The following CLEC5A variants were observed in gnomAD, a reference collection of about 807,000 sequenced individuals.
CLEC5A encodes the protein C-type lectin domain family 5 member A.
Under a neutral mutation model 24.4 loss-of-function variants are expected in CLEC5A, and 15 were observed. That is an observed-to-expected ratio of 0.62 (90% CI 0.41 to 0.95). The LOEUF (loss-of-function observed/expected upper bound fraction) is 0.95, where lower values mean the gene tolerates loss of function less well. CLEC5A is among the 40% of genes least tolerant of loss of function. The pLI, the probability that CLEC5A is intolerant of heterozygous loss-of-function variation, is 0.00. For missense variants in CLEC5A, 211 were observed against 224.0 expected, an observed-to-expected ratio of 0.94 and a Z score of 0.37; for synonymous variants, 71 against 72.6, an observed-to-expected ratio of 0.98 and a Z score of 0.11.
intron 4 of CLEC5A, 110 bp downstream of exon 4, chr7:141,943,786 C>T (rs1802868647): frequency 1.3e-6 from 1 of 770,110 alleles, no homozygotes; most frequent in Admixed American, 1.9e-5. Context: ...TCGTTATGGT[C>T]CCTTTGAGCA....
chr7:141,932,222 GT>G (rs1368699290), intron 5 of CLEC5A, among the ~76,000 whole-genome samples: 1 of 152,206 alleles, frequency 6.6e-6, no homozygotes, highest in Non-Finnish European at 1.5e-5. Context: ...CCATAGGATT[GT>G]TTTTGTTGCC....
chr7:141,932,002 G>T (rs1260847723), intron 5 of CLEC5A, among the ~76,000 whole-genome samples, 176 bp from the exon 6 acceptor site: 35 of 152,166 alleles, frequency 2.3e-4, no homozygotes, highest in African/African-American at 8.0e-4. Context: ...GATTCAGAGG[G>T]AATTTGGAAA....
rs757248641 is a variant in CLEC5A, at chr7:141,939,837, AAAGG to A, written c.209-3891_209-3888del. Among the ~76,000 whole-genome samples the A allele has an allele frequency of 9.1e-3, 1,384 of 152,268 alleles. 7 individuals are homozygous for A. Among genetic ancestry groups the A allele is most frequent in the Middle Eastern group, 0.027 (8 of 294 alleles). On this transcript the variant is annotated intron_variant, in intron 4 of 6. Coordinates refer to ENST00000546910, the MANE Select transcript of CLEC5A (RefSeq NM_013252.3). ...TGAGACAAAAACTGTAAGAAGACAC[AAAGG>A]AGGTCACTGTATAATGATAAAGGGG... is the stretch of plus-strand genomic sequence containing the variant.
Position 141,945,321 on chromosome 7 carries a change from T to C in CLEC5A, c.139+20A>G, listed in dbSNP as rs1554442027. The stretch of plus-strand genomic sequence containing the variant: ...AAGTAGCAGGAGGATGGGGAGAAGA[T>C]TTACCACCATGCAGATTACCTGTTC... On this transcript the variant is annotated intron_variant, in intron 3 of 6. Coordinates refer to ENST00000546910, the MANE Select transcript of CLEC5A (RefSeq NM_013252.3). The C allele has an allele frequency of 1.3e-6, 2 of 1,574,296 alleles. No individual in the cohort carries two copies. Among genetic ancestry groups the C allele is most frequent in the East Asian group, 2.2e-5 (1 of 44,698 alleles).
At chr7:141,931,486 T>A in intron 6 of CLEC5A, 1 of 514,934 alleles carries the variant, frequency 1.9e-6, no homozygotes, top group South Asian at 3.2e-5. Context: ...TTGATATGAA[T>A]AAAATAATTT....
intron 6 of CLEC5A, among the ~76,000 whole-genome samples, chr7:141,930,673 G>T (rs1248642294): frequency 2.0e-5 from 3 of 152,166 alleles, no homozygotes; most frequent in Non-Finnish European, 2.9e-5. Flanking sequence ...GGAGGTATTT[G>T]TTGGCTCTCC....
Position 141,935,313 on chromosome 7 carries a change from T to C in CLEC5A, c.345+501A>G, listed in dbSNP as rs112863981. 4.3e-3 allele frequency among the ~76,000 whole-genome samples: 660 copies of C among 152,318 alleles called. 5 individuals are homozygous for C. Among genetic ancestry groups the C allele is most frequent in the African/African-American group, 0.015 (635 of 41,576 alleles). On this transcript the variant is annotated intron_variant, in intron 5 of 6. Coordinates refer to ENST00000546910, the MANE Select transcript of CLEC5A (RefSeq NM_013252.3). ...GTTGCCATTTATAAAATGTGGATAA[T>C]AATACATCCTCATTATTATTATCAT... is the stretch of plus-strand genomic sequence containing the variant.
In CLEC5A at chr7:141,935,674, C is replaced by T. The variant is rs1169218787; in HGVS notation, c.345+140G>A. The T allele has an allele frequency of 4.2e-5, 31 of 732,188 alleles. No individual in the cohort carries two copies. The African/African-American group carries it at 5.4e-4, about 13-fold the overall frequency. 45.4% of individuals were successfully genotyped at this position (732,188 alleles called of 1,614,324 possible). On this transcript the variant is annotated intron_variant, in intron 5 of 6. Coordinates refer to ENST00000546910, the MANE Select transcript of CLEC5A (RefSeq NM_013252.3). ...GAATCTCCTAACCTCCAGTCCAGAACAAATAGCTTCAGTTTTTCAGCCAGC... is the reference window on the plus strand; with the variant it reads ...GAATCTCCTAACCTCCAGTCCAGAATAAATAGCTTCAGTTTTTCAGCCAGC...
At chr7:141,945,456 G>A (rs1802925259) in intron 2 of CLEC5A, 56 bp from the exon 3 acceptor site, 4 of 1,223,622 alleles carry the variant, frequency 3.3e-6, no homozygotes, top group Non-Finnish European at 4.9e-6. Flanking sequence ...TGATGAATAT[G>A]ACAAACAAGT....
intron 5 of CLEC5A, among the ~76,000 whole-genome samples, chr7:141,932,207 T>C (rs181864692): frequency 3.3e-5 from 5 of 152,332 alleles, no homozygotes; most frequent in Admixed American, 2.0e-4. Context: ...ATGTCATGCT[T>C]CTATCCATAG....
intron 5 of CLEC5A, 59 bp from the exon 6 acceptor site, chr7:141,931,885 A>G (rs1393526476): frequency 1.3e-6 from 1 of 750,200 alleles, no homozygotes; most frequent in Non-Finnish European, 2.3e-6. Context: ...TCTTGAGCCA[A>G]TGTGCCCATG....
Position 141,943,896 on chromosome 7 carries a change from C to T in CLEC5A, c.208G>A (p.Val70Ile), listed in dbSNP as rs782281987. Residue 70 changes from valine (V) to isoleucine (I), a missense_variant and splice_region_variant, in exon 4 of 7, where the codon GTC becomes ATC. Physicochemically the swap from Val to Ile is conservative, Grantham distance 29. Coordinates refer to ENST00000546910, the MANE Select transcript of CLEC5A (RefSeq NM_013252.3). ...GFITTRSYGT[V>I]CPKDWEFYQA... Reference sequence around the variant, plus strand: ...AGTAGGTTGTAATCATGCACTTTACCTGTTCCATAGCTCCTTGTGGTAATG... The same window carrying T: ...AGTAGGTTGTAATCATGCACTTTACTTGTTCCATAGCTCCTTGTGGTAATG... The T allele has an allele frequency of 1.9e-6, 3 of 1,601,144 alleles. No individual in the cohort carries two copies. The highest frequency in any genetic ancestry group is 2.6e-6 in the Non-Finnish European group (3 of 1,168,500).
rs782451132 is a variant in CLEC5A at position 141,935,935 on chromosome 7, C to G, written c.224G>C (p.Trp75Ser). The change falls in exon 5 of 7, where the codon TGG (tryptophan) becomes TCG (serine). Residue 75 changes from tryptophan to serine, a missense_variant. Trp to Ser is a radical substitution (Grantham distance 177). Coordinates refer to ENST00000546910, the MANE Select transcript of CLEC5A (RefSeq NM_013252.3). ...RSYGTVCPKD[W>S]EFYQARCFFL... ...AAAACATCTTGCTTGATAAAATTCC[C>G]AGTCTTTGGGGCAGACTGAAGAGGT... 3.1e-6 allele frequency: 5 copies of G among 1,613,682 alleles called. No homozygotes were observed. Among genetic ancestry groups the G allele is most frequent in the Non-Finnish European group, 4.2e-6 (5 of 1,179,620 alleles).
intron 3 of CLEC5A, among the ~76,000 whole-genome samples, 170 bp downstream of exon 3, chr7:141,945,171 T>G (rs1383161556): frequency 6.6e-6 from 1 of 152,210 alleles, no homozygotes; most frequent in Non-Finnish European, 1.5e-5. Context: ...TTTCCCTCAG[T>G]CTGCTCTTGG....
intron 4 of CLEC5A, among the ~76,000 whole-genome samples, chr7:141,942,552 A>G (rs964853151): frequency 2.0e-5 from 3 of 152,188 alleles, no homozygotes; most frequent in Non-Finnish European, 2.9e-5. Flanking sequence ...AGCACAGGCA[A>G]CCAAAGGAAA....
chr7:141,931,841 A>G lies in CLEC5A; in HGVS notation c.346-15T>C, dbSNP rs782811200. On this transcript the variant is annotated splice_polypyrimidine_tract_variant and intron_variant, in intron 5 of 6. Transcript: ENST00000546910. ...TGAAGAAACTTCTGGAAATAAAAAAAAAATTTTACCAGTGAGTCTTTTAAT... is the reference window on the plus strand; with the variant it reads ...TGAAGAAACTTCTGGAAATAAAAAAGAAATTTTACCAGTGAGTCTTTTAAT... The G allele has an allele frequency of 7.5e-7, 1 of 1,328,342 alleles. No individual in the cohort carries two copies. Among genetic ancestry groups the G allele is most frequent in the South Asian group, 1.2e-5 (1 of 80,548 alleles). 82.3% of individuals were successfully genotyped at this position (1,328,342 alleles called of 1,614,324 possible).
At chr7:141,946,404 A>G (rs1802959770) in intron 1 of CLEC5A, 92 bp from the exon 2 acceptor site, 33 of 1,179,000 alleles carry the variant, frequency 2.8e-5, no homozygotes, top group Non-Finnish European at 3.7e-5. Context: ...GAGTACCCAA[A>G]GCAAGGCAGG....
Position 141,929,630 on chromosome 7 carries a change from A to C in CLEC5A, c.*474T>G, listed in dbSNP as rs1396085803. 1 of 153,498 alleles carries C rather than the reference A, an allele frequency of 6.5e-6. No individual in the cohort carries two copies. The highest frequency in any genetic ancestry group is 2.4e-5 in the African/African-American group (1 of 41,442). 9.5% of individuals were successfully genotyped at this position (153,498 alleles called of 1,614,324 possible). A position where few individuals can be genotyped will look rare whatever the true frequency, so the allele number is the denominator to read the frequency against. ...GGCCAAGCCTTAGTTCAGACTGAGG[A>C]GAGCCTCTGCTACCCTCGCTTGTGG... is the stretch of plus-strand genomic sequence containing the variant. On this transcript the variant is annotated 3_prime_UTR_variant, in exon 7 of 7. Coordinates refer to ENST00000546910, the MANE Select transcript of CLEC5A (RefSeq NM_013252.3).
chr7:141,939,400 A>C (rs1802719797), intron 4 of CLEC5A, among the ~76,000 whole-genome samples: 1 of 152,174 alleles, frequency 6.6e-6, no homozygotes, highest in Non-Finnish European at 1.5e-5. Context: ...TGCAAGCCTC[A>C]TAGTAACCTT....
Sources: allele counts gnomAD v4.1 joint callset (sites outside exome capture counted in the v4.1 genomes callset), GRCh38; gene constraint gnomAD v4.1.1; transcripts MANE v1.5; gene names NCBI Gene and HGNC (gene_info 2026-07-23, HGNC 2026-07-21).